The following POLR3G variants were observed in gnomAD, a reference collection of about 807,000 sequenced individuals.
The protein encoded by POLR3G is DNA-directed RNA polymerase III subunit RPC7.
A neutral mutation model predicts 30.1 loss-of-function variants in POLR3G; 28 were observed. The ratio of observed to expected loss-of-function variants is 0.93; its 90% CI spans 0.69 to 1.27. The LOEUF (loss-of-function observed/expected upper bound fraction) is 1.27. Among genes scored for constraint, POLR3G ranks in the 50% most tolerant of loss-of-function variants. POLR3G has a pLI of 0.00. For synonymous variants in POLR3G, 79 were observed against 82.5 expected, an observed-to-expected ratio of 0.96 and a Z score of 0.23; for missense variants, 254 against 264.6, an observed-to-expected ratio of 0.96 and a Z score of 0.28.
At chr5:90,501,548 G>A (rs116278103) in intron 5 of POLR3G, among the ~76,000 whole-genome samples, 1,787 of 152,258 alleles carry the variant, frequency 0.012, 33 homozygotes, top group African/African-American at 0.041. Context: ...GCCAGTGCAG[G>A]TGGATTTGTG....
Position 90,509,565 on chromosome 5 carries a change from TC to T in POLR3G, c.586-2487del, listed in dbSNP as rs1358027706. On this transcript the variant is annotated intron_variant, in intron 7 of 7. Transcript: ENST00000651687. ...AAGAGATGCTGTGGGCACACCAAAG[TC>T]TATTTTAGGCATATCAAAGATGATA... Among the ~76,000 whole-genome samples, 3 of 152,098 alleles carry T rather than the reference TC, an allele frequency of 2.0e-5. No homozygotes were observed. The East Asian group carries it at 5.8e-4, about 29-fold the overall frequency.
intron 5 of POLR3G, among the ~76,000 whole-genome samples, chr5:90,498,522 A>G (rs1450724918): frequency 2.6e-5 from 4 of 152,060 alleles, no homozygotes; most frequent in African/African-American, 9.7e-5. Context: ...GAGAACATGC[A>G]ATATTTGGTT....
At position 90,502,467 on chromosome 5, in the gene POLR3G, C is replaced by G. The variant is rs1433596151; in HGVS notation, c.438+479C>G. 3 of 724,674 alleles carry G rather than the reference C, an allele frequency of 4.1e-6. No individual in the cohort carries two copies. The African/African-American group carries it at 5.9e-5, about 14-fold the overall frequency. The allele number at this position is 724,674 out of a possible 1,614,324, so 44.9% of individuals were successfully genotyped here. A position where few individuals can be genotyped will look rare whatever the true frequency, so the allele number is the denominator to read the frequency against. On this transcript the variant is annotated intron_variant, in intron 6 of 7. Coordinates refer to ENST00000651687, the MANE Select transcript of POLR3G (RefSeq NM_006467.3). Reference sequence around the variant, plus strand: ...TATAGCTTTCTTTATCTAAATATTTCAAAAATAAAAAAATGTAGATTCAGA... The same window carrying G: ...TATAGCTTTCTTTATCTAAATATTTGAAAAATAAAAAAATGTAGATTCAGA...
intron 6 of POLR3G, 177 bp downstream of exon 6, chr5:90,502,165 G>A: frequency 1.0e-6 from 1 of 985,350 alleles, no homozygotes. Context: ...TGGGAGATAT[G>A]GAGGGTCTGT....
chr5:90,492,161 A>G (rs1385045145), intron 3 of POLR3G, among the ~76,000 whole-genome samples: 1 of 152,196 alleles, frequency 6.6e-6, no homozygotes, highest in East Asian at 1.9e-4. Context: ...TATAAGCAAA[A>G]TCTCAGACTG....
intron 3 of POLR3G, among the ~76,000 whole-genome samples, chr5:90,494,771 A>G (rs756347991): frequency 2.0e-5 from 3 of 152,022 alleles, no homozygotes; most frequent in Non-Finnish European, 4.4e-5. Flanking sequence ...TTTATCTGTT[A>G]TCTTTTTTAT....
intron 1 of POLR3G, among the ~76,000 whole-genome samples, chr5:90,479,427 C>G (rs140625710): frequency 6.6e-6 from 1 of 152,076 alleles, no homozygotes; most frequent in Non-Finnish European, 1.5e-5. Flanking sequence ...GAGCCGAGAT[C>G]GCACCAATGC....
intron 1 of POLR3G, among the ~76,000 whole-genome samples, chr5:90,483,143 CAAA>C (rs35917267): frequency 3.8e-4 from 39 of 101,596 alleles, no homozygotes; most frequent in African/African-American, 1.5e-3. Context: ...TCCTCCGTCT[CAAA>C]AAAAAAAAAA....
intron 3 of POLR3G, among the ~76,000 whole-genome samples, chr5:90,491,531 GTT>G (rs548951758): frequency 7.1e-6 from 1 of 139,972 alleles, no homozygotes. Context: ...AATTTTTGAC[GTT>G]TTTTTTTTTT....
intron 3 of POLR3G, among the ~76,000 whole-genome samples, chr5:90,492,652 G>A (rs997502582): frequency 6.6e-6 from 1 of 152,082 alleles, no homozygotes; most frequent in African/African-American, 2.4e-5. Flanking sequence ...GGAGTCTGAG[G>A]CAGGTGGATC....
At chr5:90,502,060 C>CAA (rs1449014999) in intron 6 of POLR3G, 72 bp downstream of exon 6, 2 of 1,545,780 alleles carry the variant, frequency 1.3e-6, no homozygotes, top group Non-Finnish European at 1.7e-6. Context: ...TGCTCTGTTT[C>CAA]AACCTTTCAG....
chr5:90,492,640 T>A (rs1751781067), intron 3 of POLR3G, among the ~76,000 whole-genome samples: 1 of 152,114 alleles, frequency 6.6e-6, no homozygotes, highest in South Asian at 2.1e-4. Context: ...CCCAGCACTT[T>A]GGGAGTCTGA....
chr5:90,483,151 A>AAG (rs1751234894), intron 1 of POLR3G, among the ~76,000 whole-genome samples: 1 of 151,546 alleles, frequency 6.6e-6, no homozygotes, highest in Non-Finnish European at 1.5e-5. Flanking sequence ...CTCAAAAAAA[A>AAG]AAAAAAAAAA....
At chr5:90,488,982 T>C (rs1458389935) in intron 3 of POLR3G, among the ~76,000 whole-genome samples, 3 of 152,184 alleles carry the variant, frequency 2.0e-5, no homozygotes, top group Admixed American at 6.5e-5. Context: ...TTAGAGAGAC[T>C]GATATCATCT....
At chr5:90,474,437 G>C, upstream of POLR3G, 3 of 731,152 alleles carry the variant, frequency 4.1e-6, 1 homozygote, top group South Asian at 5.0e-5. Flanking sequence ...CGTGGGATGC[G>C]GGGGTCGGAA....
chr5:90,490,350 A>T (rs1183873129), intron 3 of POLR3G, among the ~76,000 whole-genome samples: 1 of 149,446 alleles, frequency 6.7e-6, no homozygotes, highest in Non-Finnish European at 1.5e-5. Flanking sequence ...ATACAAGTAC[A>T]TTCTCCCTGA....
chr5:90,474,514 G>A (rs967192394), upstream of POLR3G: 72 of 548,526 alleles, frequency 1.3e-4, no homozygotes, highest in Admixed American at 4.9e-4. Context: ...CCGCCAGGTC[G>A]GCAGCAAGCA....
At chr5:90,481,394 A>G (rs1030131865) in intron 1 of POLR3G, among the ~76,000 whole-genome samples, 3 of 152,188 alleles carry the variant, frequency 2.0e-5, no homozygotes, top group Non-Finnish European at 1.5e-5. Flanking sequence ...AAATACACCC[A>G]GAGAATACAG....
rs1322904548 is a variant in POLR3G at position 90,512,665 on chromosome 5, T to G, written c.*526T>G. 1 of 152,684 alleles carries G rather than the reference T, an allele frequency of 6.5e-6. No individual in the cohort carries two copies. Among genetic ancestry groups the G allele is most frequent in the Non-Finnish European group, 1.5e-5 (1 of 68,062 alleles). 9.5% of individuals were successfully genotyped at this position (152,684 alleles called of 1,614,324 possible). Reference sequence around the variant, plus strand: ...ACCTGAGCTCTTACAAGTACAGAATTGTGAGACAGAGGTTTTGTGATGGAA... The same window carrying G: ...ACCTGAGCTCTTACAAGTACAGAATGGTGAGACAGAGGTTTTGTGATGGAA... On this transcript the variant is annotated 3_prime_UTR_variant, in exon 8 of 8. Coordinates refer to ENST00000651687, the MANE Select transcript of POLR3G (RefSeq NM_006467.3).
Sources: allele counts gnomAD v4.1 joint callset (sites outside exome capture counted in the v4.1 genomes callset), GRCh38; gene constraint gnomAD v4.1.1; transcripts MANE v1.5; gene names NCBI Gene and HGNC (gene_info 2026-07-23, HGNC 2026-07-21).